Variants in DNAH12 observed in about 807,000 individuals in gnomAD.
DNAH12 encodes axonemal beta dynein heavy chain 12.
Under a neutral mutation model 371.5 loss-of-function variants are expected in DNAH12, and 285 were observed. That is an observed-to-expected ratio of 0.77 (90% CI 0.70 to 0.85). The LOEUF (loss-of-function observed/expected upper bound fraction) is 0.85. Ranked by LOEUF, DNAH12 falls within the 40% of genes least tolerant of loss-of-function variation. The pLI, the probability that DNAH12 is intolerant of heterozygous loss-of-function variation, is 0.00. For synonymous variants in DNAH12, 1,200 were observed against 1,213.0 expected (o/e 0.99, Z 0.22); for missense variants, 3,611 against 3,689.4 (o/e 0.98, Z 0.55).
Position 57,293,896 on chromosome 3 carries a change from A to G in DNAH12, c.11768T>C (p.Leu3923Pro), listed in dbSNP as rs1275132134. 4 of 1,546,778 alleles carry G rather than the reference A, an allele frequency of 2.6e-6. No homozygotes were observed. The highest frequency in any genetic ancestry group is 3.5e-6 in the Non-Finnish European group (4 of 1,144,678). ...GTTAGTAGAATGTCCCGTAGTGGAA[A>G]GAGTTCCTTTACGTTCACTTGTCTT... ...LYKTSERKGT[L>P]STTGHSTNFV... Residue 3923 changes from leucine (L) to proline (P), a missense_variant, in exon 74 of 74, where the codon CTT becomes CCT. By Grantham distance (98) the Leu-to-Pro change is moderately conservative. Coordinates refer to ENST00000495027, the MANE Select transcript of DNAH12 (RefSeq NM_001366028.2).
intron 65 of DNAH12, among the ~76,000 whole-genome samples, chr3:57,319,324 C>G (rs1559549697): frequency 6.6e-6 from 1 of 152,122 alleles, no homozygotes; most frequent in African/African-American, 2.4e-5. Context: ...CAAACAAGGA[C>G]AATTTTACTT....
In DNAH12 at chr3:57,405,835, C is replaced by T. The variant is rs1460187665; in HGVS notation, c.6394G>A (p.Val2132Met). Reference protein sequence around the residue: ...RGCLLIERDAVANKHTMIRLF... With the variant: ...RGCLLIERDAMANKHTMIRLF... ...CGGATCATAGTGTGTTTGTTCGCCA[C>T]GGCGTCTCTTTCAATGAGTAAACAG... is the stretch of plus-strand genomic sequence containing the variant. The change falls in exon 41 of 74, where the codon GTG (valine) becomes ATG (methionine). Residue 2132 changes from valine to methionine, a missense_variant. Physicochemically the swap from Val to Met is conservative, Grantham distance 21 (BLOSUM62 1). Around this residue, in one of 3 missense-constraint regions of DNAH12, gnomAD observed 2,266 missense variants for 2,236.9 expected, o/e 1.01. Transcript: ENST00000495027. 3.9e-6 allele frequency: 6 copies of T among 1,551,542 alleles called. No homozygotes were observed. Among genetic ancestry groups the T allele is most frequent in the East Asian group, 2.4e-5 (1 of 40,934 alleles).
At chr3:57,463,638 G>A (rs990202782) in intron 17 of DNAH12, among the ~76,000 whole-genome samples, 14 of 151,850 alleles carry the variant, frequency 9.2e-5, no homozygotes, top group Admixed American at 2.6e-4. Context: ...ACCTTCCATT[G>A]GTTATCACCA....
chr3:57,392,467 C>T (rs2063645304), intron 44 of DNAH12, among the ~76,000 whole-genome samples: 1 of 151,988 alleles, frequency 6.6e-6, no homozygotes, highest in Non-Finnish European at 1.5e-5. Flanking sequence ...GTGTCTCATG[C>T]CTGGAATCCT....
intron 19 of DNAH12, 52 bp from the exon 20 acceptor site, chr3:57,459,838 A>C: frequency 8.0e-7 from 1 of 1,244,938 alleles, no homozygotes; most frequent in Non-Finnish European, 1.0e-6. Flanking sequence ...AAAGGCTATA[A>C]ATTATAGCAA....
intron 12 of DNAH12, 35 bp from the exon 13 acceptor site, chr3:57,483,546 A>G (rs1421692230): frequency 5.5e-5 from 83 of 1,505,318 alleles, no homozygotes; most frequent in Non-Finnish European, 7.4e-5. Context: ...GACTTATGGC[A>G]ATTAATGTTA....
At chr3:57,327,240 A>G (rs1370985017) in intron 62 of DNAH12, among the ~76,000 whole-genome samples, 1 of 152,130 alleles carries the variant, frequency 6.6e-6, no homozygotes, top group East Asian at 1.9e-4. Context: ...CGCCACCCCA[A>G]ATCAACAGAA....
In DNAH12 at chr3:57,296,903, G is replaced by A; in HGVS notation, c.11476C>T (p.Gln3826Ter). ...GTGGTATATTTTCTGGCATAATTCT[G>A]CATAGCTCCAGTTAAAAAGGCCTGA... ...FTQAFLTGAMQNYARKYTTPI... is the reference protein window; with the variant it reads ...FTQAFLTGAM The change falls in exon 71 of 74, where the codon CAG becomes TAG. Residue 3826 changes from glutamine to a stop codon, truncating the protein, a stop_gained. Coordinates refer to ENST00000495027, the MANE Select transcript of DNAH12 (RefSeq NM_001366028.2). LOFTEE classifies it high-confidence loss of function. The A allele has an allele frequency of 1.3e-6, 2 of 1,551,574 alleles. No homozygotes were observed. The highest frequency in any genetic ancestry group is 1.7e-6 in the Non-Finnish European group (2 of 1,146,974).
intron 60 of DNAH12, among the ~76,000 whole-genome samples, chr3:57,337,910 T>C (rs551193340): frequency 3.3e-4 from 50 of 152,178 alleles, no homozygotes; most frequent in Non-Finnish European, 6.2e-4. Context: ...TCATAGTACT[T>C]GCAGAATACA....
chr3:57,434,477 ATCTT>A (rs2065058934), intron 30 of DNAH12, among the ~76,000 whole-genome samples: 2 of 152,154 alleles, frequency 1.3e-5, no homozygotes, highest in Non-Finnish European at 2.9e-5. Flanking sequence ...TGAGAAATAA[ATCTT>A]TGTTTTTTAA....
At chr3:57,295,750 T>C (rs962446570) in intron 72 of DNAH12, among the ~76,000 whole-genome samples, 158 bp from the exon 73 acceptor site, 1 of 152,054 alleles carries the variant, frequency 6.6e-6, no homozygotes, top group Non-Finnish European at 1.5e-5. Context: ...CAATGAAGAA[T>C]TGAGAGAAAC....
intron 39 of DNAH12, among the ~76,000 whole-genome samples, chr3:57,413,462 A>G (rs1450849071): frequency 6.6e-6 from 1 of 152,144 alleles, no homozygotes; most frequent in African/African-American, 2.4e-5. Flanking sequence ...TGATATACCA[A>G]CGCAGGCTTA....
At chr3:57,407,291 A>T (rs1177760394) in intron 40 of DNAH12, among the ~76,000 whole-genome samples, 1 of 151,604 alleles carries the variant, frequency 6.6e-6, no homozygotes, top group Non-Finnish European at 1.5e-5. Context: ...GAAAAAAAAA[A>T]AAAAAAGCCG....
chr3:57,451,880 T>C lies in DNAH12; in HGVS notation c.3786+963A>G, dbSNP rs150843127. On this transcript the variant is annotated intron_variant, in intron 25 of 73. Transcript: ENST00000495027. Reference sequence around the variant, plus strand: ...GGTGATCAGCTGTTTCCCCATAAGATCTCAGGAGTTGGGTGAGTGGGGAGA... The same window carrying C: ...GGTGATCAGCTGTTTCCCCATAAGACCTCAGGAGTTGGGTGAGTGGGGAGA... 9.3e-4 allele frequency among the ~76,000 whole-genome samples: 141 copies of C among 152,116 alleles called. 1 individual carries two copies. Among genetic ancestry groups the C allele is most frequent in the African/African-American group, 3.3e-3 (139 of 41,498 alleles).
intron 69 of DNAH12, among the ~76,000 whole-genome samples, chr3:57,302,410 T>C (rs2061365588): frequency 6.6e-6 from 1 of 150,746 alleles, no homozygotes; most frequent in Non-Finnish European, 1.5e-5. Context: ...ATACCATAAA[T>C]ATACTTGTAG....
At chr3:57,449,457 G>GGCATGGCGGGCT (rs1553696895) in intron 25 of DNAH12, among the ~76,000 whole-genome samples, 1 of 152,228 alleles carries the variant, frequency 6.6e-6, no homozygotes, top group Non-Finnish European at 1.5e-5. Flanking sequence ...GGGAGGCTCA[G>GGCATGGCGGGCT]GCATGGCGGG....
chr3:57,504,313 A>G, intron 8 of DNAH12, 109 bp from the exon 9 acceptor site: 1 of 981,070 alleles, frequency 1.0e-6, no homozygotes, highest in African/African-American at 1.6e-5. Flanking sequence ...TCTATAATTA[A>G]AACATCCTAT....
intron 11 of DNAH12, chr3:57,498,459 G>T: frequency 1.4e-6 from 1 of 709,714 alleles, no homozygotes; most frequent in Non-Finnish European, 2.6e-6. Flanking sequence ...TGAGACTACA[G>T]GTGCAAGCTA....
intron 29 of DNAH12, among the ~76,000 whole-genome samples, chr3:57,438,044 C>CA (rs2065183156): frequency 6.6e-6 from 1 of 152,186 alleles, no homozygotes; most frequent in East Asian, 1.9e-4. Flanking sequence ...TGCGGTGGCT[C>CA]ATGCCTGTAA....
Sources: allele counts gnomAD v4.1 joint callset (sites outside exome capture counted in the v4.1 genomes callset), GRCh38; gene constraint gnomAD v4.1.1; regional missense constraint gnomAD v4.1.1; transcripts MANE v1.5; gene names NCBI Gene and HGNC (gene_info 2026-07-23, HGNC 2026-07-21).